The following TEX29 variants were observed in gnomAD, a reference collection of about 807,000 sequenced individuals.
The protein encoded by TEX29 is testis expressed 29.
TEX29 carries 26 observed loss-of-function variants against 18.2 expected under a neutral mutation model. The observed-to-expected ratio is 1.43, with a 90% CI of 1.04 to 1.98. The LOEUF is 1.98. TEX29 is among the 30% of genes most tolerant of loss of function. The pLI is 0.00. For synonymous variants in TEX29, 83 were observed against 78.5 expected (o/e 1.06, Z -0.31); for missense variants, 177 against 194.2 (o/e 0.91, Z 0.53).
intron 4 of TEX29, among the ~76,000 whole-genome samples, chr13:111,342,186 C>T (rs919073194): frequency 6.6e-6 from 1 of 152,248 alleles, no homozygotes; most frequent in Non-Finnish European, 1.5e-5. Context: ...ACTCTGTGTG[C>T]ATACAAGCCC....
intron 2 of TEX29, among the ~76,000 whole-genome samples, chr13:111,327,689 G>A (rs114185295): frequency 0.041 from 6,218 of 152,264 alleles, 412 homozygotes; most frequent in African/African-American, 0.14. Flanking sequence ...ACGGCGCGCC[G>A]CACACTCATT....
At chr13:111,327,705 C>T (rs1451809741) in intron 2 of TEX29, among the ~76,000 whole-genome samples, 2 of 152,214 alleles carry the variant, frequency 1.3e-5, no homozygotes, top group East Asian at 3.8e-4. Context: ...TCATTGTCTT[C>T]CCTTTTTCTC....
At chr13:111,325,456 G>A (rs2093671326) in intron 2 of TEX29, among the ~76,000 whole-genome samples, 1 of 152,214 alleles carries the variant, frequency 6.6e-6, no homozygotes. Flanking sequence ...GGAGCAGGGA[G>A]CTGCATCAGC....
intron 3 of TEX29, among the ~76,000 whole-genome samples, chr13:111,328,908 A>G (rs1181257116): frequency 6.6e-6 from 1 of 152,164 alleles, no homozygotes; most frequent in East Asian, 1.9e-4. Context: ...AGGCTTCCGG[A>G]GGGAGGCGCG....
At chr13:111,321,064 C>A in intron 2 of TEX29, 116 bp downstream of exon 2, 2 of 1,186,012 alleles carry the variant, frequency 1.7e-6, no homozygotes, top group Non-Finnish European at 2.4e-6. Context: ...CCAGACCTGG[C>A]TAGGAGGGCA....
chr13:111,323,356 G>T (rs748788074), intron 2 of TEX29, among the ~76,000 whole-genome samples: 12 of 152,252 alleles, frequency 7.9e-5, no homozygotes, highest in Non-Finnish European at 1.5e-4. Context: ...GAAGAGGCGT[G>T]TGTGGGGCCA....
intron 3 of TEX29, among the ~76,000 whole-genome samples, chr13:111,335,861 A>G (rs1449280270): frequency 6.6e-6 from 1 of 152,218 alleles, no homozygotes; most frequent in Non-Finnish European, 1.5e-5. Context: ...ACTCACGTCC[A>G]AGCTGCTACT....
chr13:111,320,995 T>TGTG (rs1555411263), intron 2 of TEX29, 47 bp downstream of exon 2: 2 of 322,196 alleles, frequency 6.2e-6, no homozygotes, highest in African/African-American at 2.7e-5. Flanking sequence ...GGGGAGCAGT[T>TGTG]GGGGGGGGGC....
intron 3 of TEX29, 98 bp from the exon 4 acceptor site, chr13:111,339,765 A>T: frequency 8.3e-7 from 1 of 1,206,460 alleles, no homozygotes; most frequent in Non-Finnish European, 1.2e-6. Flanking sequence ...CCGCGCCGGG[A>T]GGGCCCGCAC....
In TEX29 at chr13:111,328,225, C is replaced by A. The variant is rs1290283799; in HGVS notation, c.101C>A (p.Ser34Tyr). Residue 34 changes from serine to tyrosine, a missense_variant, in exon 3 of 6, where the codon TCC (serine) becomes TAC (tyrosine). By Grantham distance (144) the Ser-to-Tyr change is moderately radical. Transcript: ENST00000283547. ...PLYDICDYNV[S>Y]RDRCQELGCC... Reference sequence around the variant, plus strand: ...TATGACATTTGTGACTACAACGTCTCCAGGGACCGATGCCAGGAGCTCGGG... The same window carrying A: ...TATGACATTTGTGACTACAACGTCTACAGGGACCGATGCCAGGAGCTCGGG... The A allele has an allele frequency of 6.2e-7, 1 of 1,613,814 alleles. No homozygotes were observed. Among genetic ancestry groups the A allele is most frequent in the Admixed American group, 1.7e-5 (1 of 60,006 alleles).
chr13:111,338,168 TGAA>T (rs1196411379), intron 3 of TEX29, among the ~76,000 whole-genome samples: 2 of 152,080 alleles, frequency 1.3e-5, no homozygotes, highest in African/African-American at 2.4e-5. Flanking sequence ...ATGCATATGT[TGAA>T]GTTTAGATCC....
intron 2 of TEX29, among the ~76,000 whole-genome samples, chr13:111,326,613 C>T (rs1309507061): frequency 8.1e-6 from 1 of 123,670 alleles, no homozygotes; most frequent in African/African-American, 3.1e-5. Flanking sequence ...GCAGTGCGAG[C>T]CTGTCTGGTG....
chr13:111,319,828 C>A (rs998939613), upstream of TEX29, among the ~76,000 whole-genome samples: 4 of 152,306 alleles, frequency 2.6e-5, no homozygotes, highest in African/African-American at 9.6e-5. Flanking sequence ...AGTAGCAGCC[C>A]CCTCCGGCAG....
At chr13:111,328,814 A>G (rs2093678300) in intron 3 of TEX29, among the ~76,000 whole-genome samples, 1 of 152,166 alleles carries the variant, frequency 6.6e-6, no homozygotes, top group Non-Finnish European at 1.5e-5. Flanking sequence ...AAGCCCCTCA[A>G]GCAGCACGGG....
At chr13:111,334,376 A>G (rs2093686730) in intron 3 of TEX29, among the ~76,000 whole-genome samples, 1 of 152,254 alleles carries the variant, frequency 6.6e-6, no homozygotes, top group African/African-American at 2.4e-5. Context: ...ATGCCTGGAA[A>G]CACAAGCCTC....
At chr13:111,325,812 C>T (rs566501784) in intron 2 of TEX29, among the ~76,000 whole-genome samples, 10 of 152,274 alleles carry the variant, frequency 6.6e-5, no homozygotes, top group East Asian at 5.8e-4. Flanking sequence ...AATGTATGAA[C>T]GTTTGTGTAG....
chr13:111,336,904 C>G (rs988560622), intron 3 of TEX29, among the ~76,000 whole-genome samples: 1 of 152,142 alleles, frequency 6.6e-6, no homozygotes, highest in African/African-American at 2.4e-5. Flanking sequence ...TAGGAAGATA[C>G]GGGAGATGTA....
intron 3 of TEX29, 93 bp from the exon 4 acceptor site, chr13:111,339,770 C>T (rs572530350): frequency 7.5e-7 from 1 of 1,335,022 alleles, no homozygotes; most frequent in South Asian, 1.2e-5. Flanking sequence ...CCGGGAGGGC[C>T]CGCACCCGAC....
chr13:111,339,171 CT>C, intron 3 of TEX29: 1 of 440,804 alleles, frequency 2.3e-6, no homozygotes. Flanking sequence ...GGAGGCTTGA[CT>C]TTTGCTGAGG....
Sources: allele counts gnomAD v4.1 joint callset (sites outside exome capture counted in the v4.1 genomes callset), GRCh38; gene constraint gnomAD v4.1.1; transcripts MANE v1.5; gene names NCBI Gene and HGNC (gene_info 2026-07-23, HGNC 2026-07-21).